WARS1: variants seen among roughly 807,000 people sequenced by gnomAD.
The protein encoded by WARS1 is tryptophan--tRNA ligase, cytoplasmic.
Under a neutral mutation model 47.8 loss-of-function variants are expected in WARS1, and 17 were observed. The ratio of observed to expected loss-of-function variants is 0.36; its 90% CI spans 0.24 to 0.53. WARS1 has a LOEUF of 0.53. Ranked by LOEUF, WARS1 falls within the 20% of genes least tolerant of loss-of-function variation. The pLI is 0.91. For synonymous variants in WARS1, 208 were observed against 228.1 expected, an observed-to-expected ratio of 0.91 and a Z score of 0.79; for missense variants, 434 against 608.0, an observed-to-expected ratio of 0.71 and a Z score of 3.01.
chr14:100,347,296 A>G (rs1894684013), intron 6 of WARS1, among the ~76,000 whole-genome samples: 1 of 152,128 alleles, frequency 6.6e-6, no homozygotes, highest in Admixed American at 6.5e-5. Flanking sequence ...GTATGGATAG[A>G]AACCCACGGC....
intron 5 of WARS1, 166 bp from the exon 6 acceptor site, chr14:100,354,035 G>A: frequency 1.6e-6 from 1 of 640,066 alleles, no homozygotes; most frequent in Non-Finnish European, 2.7e-6. Flanking sequence ...TAATGATAAG[G>A]TCTACTACCA....
At chr14:100,355,398 T>A (rs1392836511) in intron 4 of WARS1, among the ~76,000 whole-genome samples, 1 of 151,874 alleles carries the variant, frequency 6.6e-6, no homozygotes, top group Non-Finnish European at 1.5e-5. Flanking sequence ...ATTTTTTGTG[T>A]TTTTAATAGA....
chr14:100,345,427 G>C (rs983449289), intron 7 of WARS1, among the ~76,000 whole-genome samples: 1 of 152,138 alleles, frequency 6.6e-6, no homozygotes, highest in African/African-American at 2.4e-5. Context: ...TAAGGGCGGT[G>C]CAAGATGTGC....
upstream of WARS1, chr14:100,375,642 A>G (rs890602039): frequency 2.6e-5 from 4 of 152,138 alleles, no homozygotes; most frequent in African/African-American, 9.7e-5. Flanking sequence ...CTGGCCTCCA[A>G]ATAACCTCCC....
chr14:100,336,275 CAA>C (rs56343247), intron 10 of WARS1, among the ~76,000 whole-genome samples: 4 of 113,936 alleles, frequency 3.5e-5, no homozygotes, highest in Non-Finnish European at 5.3e-5. Context: ...GACTCTGTCT[CAA>C]AAAAAAAAAA....
At chr14:100,366,541 G>T in intron 2 of WARS1, 1 of 548,862 alleles carries the variant, frequency 1.8e-6, no homozygotes, top group Non-Finnish European at 3.4e-6. Flanking sequence ...AGGTTATAAA[G>T]GATGTAGAGG....
rs552310980 is a variant in WARS1 at position 100,373,807 on chromosome 14, T to A, written c.-74+1476A>T. 3.4e-5 allele frequency among the ~76,000 whole-genome samples: 5 copies of A among 148,562 alleles called. No individual in the cohort carries two copies. In the South Asian group the frequency reaches 8.7e-4, roughly 26 times the overall value. ...AGGCATATACTTTGCGTGGGAATCATCCACACTATTGAAATCTTGTGTGTG... is the reference window on the plus strand; with the variant it reads ...AGGCATATACTTTGCGTGGGAATCAACCACACTATTGAAATCTTGTGTGTG... On this transcript the variant is annotated intron_variant, in intron 1 of 10. Transcript: ENST00000392882. This position sits in a 1 kb window ranked among gnomAD's most constrained non-coding sequence, Gnocchi z 4.4.
chr14:100,366,802 G>C, intron 2 of WARS1: 1 of 1,405,986 alleles, frequency 7.1e-7, no homozygotes. Flanking sequence ...GCTTTGCAAA[G>C]AGTGTTTCCT....
rs1893611680 is a variant in WARS1 at position 100,334,998 on chromosome 14, C to T, written c.1293G>A (p.Lys431=). The change falls in exon 11 of 11, where the codon AAG becomes AAA. Residue 431 remains lysine, a synonymous_variant. Transcript: ENST00000392882. The part of the protein sequence containing the change: ...TSGAMLTGEL[K]KALIEVLQPL... ...GCTGCAGAACCTCTATGAGTGCCTTCTTGAGCTCACCGGTGAGCATGGCTC... is the reference window on the plus strand; with the variant it reads ...GCTGCAGAACCTCTATGAGTGCCTTTTTGAGCTCACCGGTGAGCATGGCTC... 1 of 1,614,020 alleles carries T rather than the reference C, an allele frequency of 6.2e-7. No individual in the cohort carries two copies. The highest frequency in any genetic ancestry group is 1.3e-5 in the African/African-American group (1 of 74,906).
intron 5 of WARS1, 156 bp from the exon 6 acceptor site, chr14:100,354,025 T>A (rs1030458145): frequency 1.5e-5 from 10 of 673,306 alleles, no homozygotes; most frequent in Admixed American, 1.4e-4. Context: ...TGACTATGGA[T>A]AATGATAAGG....
chr14:100,360,431 C>T (rs145237752), intron 4 of WARS1, 123 bp downstream of exon 4: 8 of 664,938 alleles, frequency 1.2e-5, no homozygotes, highest in Non-Finnish European at 2.1e-5. Flanking sequence ...GGATCTCAGT[C>T]TTACCACAGC....
At chr14:100,344,074 CT>C (rs1172853963) in intron 7 of WARS1, among the ~76,000 whole-genome samples, 1 of 151,940 alleles carries the variant, frequency 6.6e-6, no homozygotes, top group Non-Finnish European at 1.5e-5. Context: ...CCTCTTCCCT[CT>C]TCCCTCTCCC....
chr14:100,368,966 A>G lies in WARS1; in HGVS notation c.99+121T>C. 4.7e-6 allele frequency: 3 copies of G among 639,350 alleles called. 1 individual carries two copies. The highest frequency in any genetic ancestry group is 8.6e-5 in the South Asian group (2 of 23,354). The allele number at this position is 639,350 out of a possible 1,614,324, so 39.6% of individuals were successfully genotyped here. A position where few individuals can be genotyped will look rare whatever the true frequency, so the allele number is the denominator to read the frequency against. ...ACAAGAGTGAAATTCCCTCTCAAAA[A>G]ATAAAAAATTATAACCAAAACACCT... On this transcript the variant is annotated intron_variant, in intron 2 of 10. Coordinates refer to ENST00000392882, the MANE Select transcript of WARS1 (RefSeq NM_004184.4).
chr14:100,349,028 G>A (rs1277169719), intron 6 of WARS1, among the ~76,000 whole-genome samples: 2 of 152,184 alleles, frequency 1.3e-5, no homozygotes, highest in African/African-American at 2.4e-5. Context: ...GCACATGGAG[G>A]CTTCTCACTG....
At chr14:100,370,277 G>A (rs965770708) in intron 1 of WARS1, 11 of 152,106 alleles carry the variant, frequency 7.2e-5, no homozygotes, top group African/African-American at 2.7e-4. Context: ...AGACTGTATC[G>A]CCATCAAACC....
At position 100,360,394 on chromosome 14, in the gene WARS1, C is replaced by T. The variant is rs184078112; in HGVS notation, c.422+160G>A. The T allele has an allele frequency of 5.4e-4, 258 of 475,624 alleles. 2 individuals carry two copies. The East Asian group carries it at 7.0e-3, about 13-fold the overall frequency. The allele number at this position is 475,624 out of a possible 1,614,324, so 29.5% of individuals were successfully genotyped here. ...AGGGTGATGGACAAGCATGATCCCA[C>T]AGTGGGTTACTGACAGGACAGAGGA... On this transcript the variant is annotated intron_variant, in intron 4 of 10. Transcript: ENST00000392882.
chr14:100,355,720 G>GC (rs1327726410), intron 4 of WARS1, among the ~76,000 whole-genome samples: 3 of 152,168 alleles, frequency 2.0e-5, no homozygotes, highest in Non-Finnish European at 4.4e-5. Flanking sequence ...TATTCCCCAA[G>GC]CCAAGGGTCA....
intron 7 of WARS1, among the ~76,000 whole-genome samples, chr14:100,345,254 G>A (rs1894517077): frequency 6.6e-6 from 1 of 151,804 alleles, no homozygotes; most frequent in African/African-American, 2.4e-5. Context: ...GGAAAAGATT[G>A]AGAAATCGGA....
intron 2 of WARS1, chr14:100,366,591 G>T: frequency 2.9e-6 from 2 of 697,130 alleles, no homozygotes; most frequent in Non-Finnish European, 5.3e-6. Context: ...GAGAGAGAGA[G>T]TTGAGTGTCC....
Sources: allele counts gnomAD v4.1 joint callset (sites outside exome capture counted in the v4.1 genomes callset), GRCh38; gene constraint gnomAD v4.1.1; non-coding constraint Gnocchi (gnomAD v3.1); transcripts MANE v1.5; gene names NCBI Gene and HGNC (gene_info 2026-07-23, HGNC 2026-07-21).